GRAP2: variants seen among roughly 807,000 people sequenced by gnomAD.
GRAP2 encodes GRB2-related adapter protein 2.
GRAP2 carries 31 observed loss-of-function variants against 43.5 expected under a neutral mutation model. That is an observed-to-expected ratio of 0.71 (90% confidence interval 0.54 to 0.96). GRAP2 has a LOEUF of 0.96. Ranked by LOEUF, GRAP2 falls within the 40% of genes least tolerant of loss-of-function variation. The probability of loss-of-function intolerance (pLI) is 0.00; values close to 1 mark genes in which losing one functional copy is unlikely to be tolerated. For missense variants in GRAP2, 371 were observed against 424.4 expected (o/e 0.87, Z 1.11); for synonymous variants, 156 against 164.8 (o/e 0.95, Z 0.41).
chr22:39,945,542 A>C (rs188902263), intron 1 of GRAP2, among the ~76,000 whole-genome samples: 1 of 152,152 alleles, frequency 6.6e-6, no homozygotes, highest in Non-Finnish European at 1.5e-5. Context: ...CTGAAAGTCT[A>C]TTAGGTTGGA....
intron 1 of GRAP2, among the ~76,000 whole-genome samples, chr22:39,942,054 T>G (rs2066876860): frequency 6.6e-6 from 1 of 152,214 alleles, no homozygotes; most frequent in African/African-American, 2.4e-5. Context: ...TAACAAATTT[T>G]CCTTTCATTT....
intron 1 of GRAP2, among the ~76,000 whole-genome samples, chr22:39,910,894 CTAA>C (rs1195879415): frequency 1.3e-5 from 2 of 152,142 alleles, no homozygotes; most frequent in Non-Finnish European, 2.9e-5. Flanking sequence ...GCTGGTGCAG[CTAA>C]TCTCATGATG....
At chr22:39,929,180 G>A (rs571318582) in intron 1 of GRAP2, among the ~76,000 whole-genome samples, 1 of 152,284 alleles carries the variant, frequency 6.6e-6, no homozygotes, top group South Asian at 2.1e-4. Context: ...CTGTACTATG[G>A]TGATGTAAGA....
At chr22:39,956,502 A>G (rs997068022) in intron 3 of GRAP2, among the ~76,000 whole-genome samples, 3 of 140,126 alleles carry the variant, frequency 2.1e-5, no homozygotes, top group African/African-American at 5.4e-5. Context: ...TCATGTGTTT[A>G]TTTGTTTTGA....
At chr22:39,942,880 T>C (rs2066885117) in intron 1 of GRAP2, among the ~76,000 whole-genome samples, 2 of 152,338 alleles carry the variant, frequency 1.3e-5, no homozygotes, top group South Asian at 2.1e-4. Context: ...TTTCCCTCTC[T>C]TTTTAAAAAA....
intron 1 of GRAP2, among the ~76,000 whole-genome samples, chr22:39,910,805 G>A (rs1180192893): frequency 6.6e-6 from 1 of 151,416 alleles, no homozygotes; most frequent in African/African-American, 2.4e-5. Flanking sequence ...TATTTCACTC[G>A]ATCATTTTGA....
chr22:39,969,530 A>G lies in GRAP2; in HGVS notation c.810A>G (p.Ala270=). ...RHTDPVQLQA[A]GRVRWARALY... is the part of the protein sequence containing the mutation. ...CAGACCCAGTGCAGCTCCAGGCGGC[A>G]GGGGTATGGGAACTGTCCTTCTCTG... Residue 270 remains alanine, a synonymous_variant, in exon 7 of 8, where the codon GCA becomes GCG. Coordinates refer to ENST00000344138, the MANE Select transcript of GRAP2 (RefSeq NM_004810.4). 6.2e-7 allele frequency: 1 copy of G among 1,613,824 alleles called. No homozygotes were observed. The highest frequency in any genetic ancestry group is 8.5e-7 in the Non-Finnish European group (1 of 1,179,796).
chr22:39,933,841 G>A (rs1341021063), intron 1 of GRAP2, among the ~76,000 whole-genome samples: 318 of 131,448 alleles, frequency 2.4e-3, no homozygotes, highest in African/African-American at 8.5e-3. Flanking sequence ...ACCCTGTCTC[G>A]AAAAAAAAAA....
rs929543108 is a variant in GRAP2 at position 39,947,282 on chromosome 22, C to G, written c.78+98C>G. On this transcript the variant is annotated intron_variant, in intron 2 of 7. Transcript: ENST00000344138. The stretch of plus-strand genomic sequence containing the variant: ...GTCTCTTAAGAACTGCATGTGGTTC[C>G]TTTTAAAAAGAGAAGTTCACCTTGA... The G allele has an allele frequency of 4.4e-5, 34 of 768,706 alleles. No homozygotes were observed. In the African/African-American group the frequency reaches 5.3e-4, roughly 12 times the overall value. The allele number at this position is 768,706 out of a possible 1,614,324, so 47.6% of individuals were successfully genotyped here. A position where few individuals can be genotyped will look rare whatever the true frequency, so the allele number is the denominator to read the frequency against.
intron 1 of GRAP2, among the ~76,000 whole-genome samples, chr22:39,939,679 G>C (rs5757814): frequency 0.28 from 41,842 of 151,898 alleles, 6,379 homozygotes; most frequent in East Asian, 0.66. Flanking sequence ...GGAGGCTGAG[G>C]CAGGTGATCA....
At chr22:39,958,463 G>T (rs758427726) in intron 3 of GRAP2, among the ~76,000 whole-genome samples, 1 of 152,160 alleles carries the variant, frequency 6.6e-6, no homozygotes, top group African/African-American at 2.4e-5. Flanking sequence ...CTGAGGGCAG[G>T]GGTGTGTGTC....
chr22:39,941,731 G>T (rs994133784), intron 1 of GRAP2, among the ~76,000 whole-genome samples: 2 of 152,104 alleles, frequency 1.3e-5, no homozygotes, highest in Non-Finnish European at 2.9e-5. Context: ...ACAAAAACAC[G>T]GCGAGTCATT....
chr22:39,939,688 C>T (rs948103427), intron 1 of GRAP2, among the ~76,000 whole-genome samples: 1 of 151,680 alleles, frequency 6.6e-6, no homozygotes, highest in Admixed American at 6.6e-5. Flanking sequence ...GGCAGGTGAT[C>T]ATCTGAGGTC....
intron 1 of GRAP2, chr22:39,946,798 A>G (rs2066926703): frequency 3.2e-6 from 1 of 315,250 alleles, no homozygotes; most frequent in Non-Finnish European, 6.0e-6. Flanking sequence ...AGATGCCCCC[A>G]AAAGTGGTGT....
chr22:39,960,299 G>A, intron 4 of GRAP2, 125 bp downstream of exon 4: 1 of 858,294 alleles, frequency 1.2e-6, no homozygotes. Context: ...TAGGGGCCAA[G>A]CATGGCAGCA....
chr22:39,919,591 C>G (rs984181512), intron 1 of GRAP2, among the ~76,000 whole-genome samples: 2 of 152,160 alleles, frequency 1.3e-5, no homozygotes, highest in Admixed American at 1.3e-4. Context: ...AGAAAACTCC[C>G]CTTTTTTGAA....
chr22:39,959,096 GCCACCTTGAAGCAATGTGACACAGTC>G (rs1471943512), intron 3 of GRAP2, among the ~76,000 whole-genome samples: 1 of 152,232 alleles, frequency 6.6e-6, no homozygotes, highest in African/African-American at 2.4e-5. Flanking sequence ...AATTAGAGCA[GCCACCTTGAAGCAATGTGACACAGTC>G]CCACCTTTGG....
At chr22:39,949,103 TGAA>T (rs748997998) in intron 2 of GRAP2, among the ~76,000 whole-genome samples, 59 of 152,254 alleles carry the variant, frequency 3.9e-4, no homozygotes, top group Middle Eastern at 6.8e-3. Flanking sequence ...TGTCCCCACA[TGAA>T]CTCCAGCCCC....
At chr22:39,965,909 C>A in intron 4 of GRAP2, 81 bp from the exon 5 acceptor site, 1 of 1,163,942 alleles carries the variant, frequency 8.6e-7, no homozygotes, top group Non-Finnish European at 1.3e-6. Context: ...AAGAGAACTC[C>A]ACCATCCCAG....
Sources: gnomAD v4.1 joint callset for allele counts (sites outside exome capture counted in the v4.1 genomes callset) on GRCh38, gnomAD v4.1.1 for gene constraint, MANE v1.5 for transcripts, NCBI Gene and HGNC (gene_info 2026-07-23, HGNC 2026-07-21) for gene names.